VPS18: variants seen among roughly 807,000 people sequenced by gnomAD.
VPS18 encodes the protein VPS18 core subunit of CORVET and HOPS complexes, also known as vacuolar protein sorting-associated protein 18 homolog.
A neutral mutation model predicts 82.0 loss-of-function variants in VPS18; 25 were observed. The observed-to-expected ratio is 0.30, with a 90% CI of 0.22 to 0.43. The LOEUF (loss-of-function observed/expected upper bound fraction) is 0.43. Among genes scored for constraint, VPS18 ranks in the 20% least tolerant of loss-of-function variants. The pLI, the probability that VPS18 is intolerant of heterozygous loss-of-function variation, is 1.00. For synonymous variants in VPS18, 523 were observed against 543.0 expected (o/e 0.96, Z 0.51); for missense variants, 1,168 against 1,311.1 (o/e 0.89, Z 1.69).
At chr15:40,898,289 C>T (rs918510425) in intron 2 of VPS18, among the ~76,000 whole-genome samples, 21 of 150,258 alleles carry the variant, frequency 1.4e-4, no homozygotes, top group Non-Finnish European at 3.1e-4. Context: ...GTGGAGAACA[C>T]GGTCTTGCTA....
intron 1 of VPS18, among the ~76,000 whole-genome samples, chr15:40,895,241 T>C (rs2142035275): frequency 6.6e-6 from 1 of 152,216 alleles, no homozygotes; most frequent in Non-Finnish European, 1.5e-5. Context: ...AAGAAAGTGG[T>C]GAAGGCGGAG....
intron 2 of VPS18, among the ~76,000 whole-genome samples, chr15:40,898,030 G>A (rs202218951): frequency 6.6e-6 from 1 of 151,986 alleles, no homozygotes; most frequent in Admixed American, 6.5e-5. Context: ...GCAGTGCCTC[G>A]ATCTCGGCTT....
Position 40,898,879 on chromosome 15 carries a change from A to G in VPS18, c.234-28A>G, listed in dbSNP as rs1209722714. 3.7e-6 allele frequency: 6 copies of G among 1,606,754 alleles called. No individual in the cohort carries two copies. In the African/African-American group the frequency reaches 8.0e-5, roughly 21 times the overall value. ...TCCAAAAAAGGATCTTCCCTTCTCT[A>G]AAGTGATGGTGACGCTTGTCCCCAC... On this transcript the variant is annotated intron_variant, in intron 2 of 4. Coordinates refer to ENST00000220509, the MANE Select transcript of VPS18 (RefSeq NM_020857.3).
rs1379694371 is a variant in VPS18, at chr15:40,900,952, G to A, written c.2134G>A (p.Ala712Thr). 5.6e-6 allele frequency: 9 copies of A among 1,611,918 alleles called. No individual in the cohort carries two copies. Among genetic ancestry groups the A allele is most frequent in the African/African-American group, 1.3e-5 (1 of 74,934 alleles). ...RLCAEHGHHR[A>T]CVHVYKVLEL... ...CTGCGCCGAGCATGGCCACCACCGCGCTTGTGTCCATGTCTACAAGGTCCT... is the reference window on the plus strand; with the variant it reads ...CTGCGCCGAGCATGGCCACCACCGCACTTGTGTCCATGTCTACAAGGTCCT... Residue 712 changes from alanine (A) to threonine (T), a missense_variant, in exon 4 of 5, where the codon GCT becomes ACT. By Grantham distance (58) the Ala-to-Thr change is moderately conservative. Around this residue, in one of 3 missense-constraint regions of VPS18, gnomAD observed 296 missense variants for 354.0 expected, o/e 0.84. Transcript: ENST00000220509. The surrounding 1 kb of genome is among the most constrained non-coding windows in gnomAD (Gnocchi z 5.4).
intron 2 of VPS18, 96 bp from the exon 3 acceptor site, chr15:40,898,811 A>G (rs1203616296): frequency 7.9e-7 from 1 of 1,272,590 alleles, no homozygotes; most frequent in Non-Finnish European, 1.1e-6. Context: ...ATTTCAGGGA[A>G]GTAAGTCTAT....
Position 40,900,263 on chromosome 15 carries a change from C to T in VPS18, c.1445C>T (p.Pro482Leu). The T allele has an allele frequency of 6.2e-7, 1 of 1,613,806 alleles. No homozygotes were observed. The change falls in exon 4 of 5, where the codon CCA (proline) becomes CTA (leucine). Residue 482 changes from proline to leucine, a missense_variant. Transcript: ENST00000220509. This position sits in a 1 kb window ranked among gnomAD's most constrained non-coding sequence, Gnocchi z 5.4. Reference protein sequence around the residue: ...FLQRKLASLKPAERTQATLLT... With the variant: ...FLQRKLASLKLAERTQATLLT... The stretch of plus-strand genomic sequence containing the variant: ...CAGCGAAAACTGGCCAGTTTGAAGC[C>T]AGCCGAACGTACCCAGGCCACACTG...
In VPS18 at chr15:40,900,895, G is replaced by A. The variant is rs771170234; in HGVS notation, c.2077G>A (p.Val693Met). The change falls in exon 4 of 5, where the codon GTG (valine) becomes ATG (methionine). Residue 693 changes from valine to methionine, a missense_variant. Transcript: ENST00000220509. The surrounding 1 kb of genome is among the most constrained non-coding windows in gnomAD (Gnocchi z 5.4). ...GCAGGCTGGGGCCAGCCCCCACCGG[G>A]TGCATTACGACCTCAAGTATGCGCT... ...LEQAGASPHR[V>M]HYDLKYALRL... 8.7e-6 allele frequency: 14 copies of A among 1,613,918 alleles called. No individual in the cohort carries two copies. In the South Asian group the frequency reaches 1.5e-4, roughly 18 times the overall value.
Position 40,899,800 on chromosome 15 carries a change from A to G in VPS18, c.982A>G (p.Ile328Val), listed in dbSNP as rs770191466. The G allele has an allele frequency of 4.3e-6, 7 of 1,611,268 alleles. No homozygotes were observed. The highest frequency in any genetic ancestry group is 4.0e-5 in the African/African-American group (3 of 74,928). The change falls in exon 4 of 5, where the codon ATC becomes GTC. Residue 328 changes from isoleucine to valine, a missense_variant. Around this residue, in one of 3 missense-constraint regions of VPS18, gnomAD observed 868 missense variants for 939.8 expected, o/e 0.92. Transcript: ENST00000220509. The surrounding 1 kb of genome is among the most constrained non-coding windows in gnomAD (Gnocchi z 4.4). ...GCCTGGGGCCAGCCCACCCCTAGCC[A>G]TCGTCTTGACCCAGTTCCACTTCCT... ...VGPGASPPLA[I>V]VLTQFHFLLL...
rs772693226 is a variant in VPS18 at position 40,903,310 on chromosome 15, G to A, written c.2891G>A (p.Arg964His). The change falls in exon 5 of 5, where the codon CGC becomes CAC. Residue 964 changes from arginine (R) to histidine (H), a missense_variant. Around this residue, in one of 3 missense-constraint regions of VPS18, gnomAD observed 296 missense variants for 354.0 expected, o/e 0.84. Coordinates refer to ENST00000220509, the MANE Select transcript of VPS18 (RefSeq NM_020857.3). ...GACCGGCCGTTCATCGACCCCCAGC[G>A]CTACGAGGAGGAGCAGCTCAGTTGG... ...SIDRPFIDPQ[R>H]YEEEQLSWL is the part of the protein sequence containing the mutation. 1.5e-5 allele frequency: 24 copies of A among 1,550,014 alleles called. No individual in the cohort carries two copies. The highest frequency in any genetic ancestry group is 3.7e-5 in the South Asian group (3 of 81,270).
chr15:40,900,581 G>A lies in VPS18; in HGVS notation c.1763G>A (p.Arg588His). 4.3e-6 allele frequency: 7 copies of A among 1,613,824 alleles called. No homozygotes were observed. The highest frequency in any genetic ancestry group is 2.2e-5 in the South Asian group (2 of 91,080). ...AYEEALAVLA[R>H]HRDPQLFYKF... ...GAGGAGGCCCTGGCCGTGCTCGCCC[G>A]CCACCGTGACCCCCAGCTCTTCTAC... Residue 588 changes from arginine to histidine, a missense_variant, in exon 4 of 5, where the codon CGC becomes CAC. By Grantham distance (29) the Arg-to-His change is conservative. This residue lies in a region of VPS18 where 868 missense variants were observed against 939.8 expected (regional missense o/e 0.92). Transcript: ENST00000220509. This position sits in a 1 kb window ranked among gnomAD's most constrained non-coding sequence, Gnocchi z 5.4.
Position 40,899,446 on chromosome 15 carries a change from G to A in VPS18, c.628G>A (p.Ala210Thr), listed in dbSNP as rs367634085. Reference sequence around the variant, plus strand: ...TCCAGCACCTGTGTGCTCCCTTGAGGCCGAGCGGGGCCCTGATGGGCGTAG... The same window carrying A: ...TCCAGCACCTGTGTGCTCCCTTGAGACCGAGCGGGGCCCTGATGGGCGTAG... ...GGPAPVCSLE[A>T]ERGPDGRSFV... is the part of the protein sequence containing the mutation. Residue 210 changes from alanine to threonine, a missense_variant, in exon 4 of 5, where the codon GCC (alanine) becomes ACC (threonine). By Grantham distance (58) the Ala-to-Thr change is moderately conservative. Coordinates refer to ENST00000220509, the MANE Select transcript of VPS18 (RefSeq NM_020857.3). The surrounding 1 kb of genome is among the most constrained non-coding windows in gnomAD (Gnocchi z 4.4). The A allele has an allele frequency of 6.2e-7, 1 of 1,606,120 alleles. No homozygotes were observed. The highest frequency in any genetic ancestry group is 8.5e-7 in the Non-Finnish European group (1 of 1,174,738).
chr15:40,899,262 CA>C lies in VPS18; in HGVS notation c.446del (p.Lys149ArgfsTer48). 6.2e-7 allele frequency: 1 copy of C among 1,614,242 alleles called. No individual in the cohort carries two copies. The highest frequency in any genetic ancestry group is 8.5e-7 in the Non-Finnish European group (1 of 1,180,046). ...AGCTGGTGGAGAGTGTGGGTTGGAA[CA>C]AGGCACTGGGCACGGAGAGCAGCAC... ...GQLVESVGWNKALGTESSTGP... is the reference protein window; with the variant it reads ...GQLVESVGWNXALGTESSTGP... On this transcript the variant is annotated frameshift_variant, in exon 4 of 5. Transcript: ENST00000220509. LOFTEE classifies it high-confidence loss of function. This position sits in a 1 kb window ranked among gnomAD's most constrained non-coding sequence, Gnocchi z 4.4.
chr15:40,899,495 A>T lies in VPS18; in HGVS notation c.677A>T (p.Gln226Leu), dbSNP rs756361564. 1 of 1,611,598 alleles carries T rather than the reference A, an allele frequency of 6.2e-7. No individual in the cohort carries two copies. The highest frequency in any genetic ancestry group is 8.5e-7 in the Non-Finnish European group (1 of 1,179,538). Reference protein sequence around the residue: ...GRSFVIATTRQRLFQFIGRAA... With the variant: ...GRSFVIATTRLRLFQFIGRAA... The stretch of plus-strand genomic sequence containing the variant: ...AGCTTTGTTATTGCCACCACTCGGC[A>T]GCGCCTCTTCCAGTTCATAGGCCGA... Residue 226 changes from glutamine to leucine, a missense_variant, in exon 4 of 5, where the codon CAG becomes CTG. Gln to Leu is a moderately radical substitution (Grantham distance 113). Around this residue, in one of 3 missense-constraint regions of VPS18, gnomAD observed 868 missense variants for 939.8 expected, o/e 0.92. Coordinates refer to ENST00000220509, the MANE Select transcript of VPS18 (RefSeq NM_020857.3). The surrounding 1 kb of genome is among the most constrained non-coding windows in gnomAD (Gnocchi z 4.4).
chr15:40,899,365 G>A lies in VPS18; in HGVS notation c.547G>A (p.Gly183Ser), dbSNP rs1402733811. 1.2e-6 allele frequency: 2 copies of A among 1,611,464 alleles called. No individual in the cohort carries two copies. Among genetic ancestry groups the A allele is most frequent in the Non-Finnish European group, 8.5e-7 (1 of 1,177,832 alleles). The change falls in exon 4 of 5, where the codon GGC becomes AGC. Residue 183 changes from glycine to serine, a missense_variant. Coordinates refer to ENST00000220509, the MANE Select transcript of VPS18 (RefSeq NM_020857.3). This position sits in a 1 kb window ranked among gnomAD's most constrained non-coding sequence, Gnocchi z 4.4. ...CTCAGCCAGCGAAGGTGGGCTTTTCGGCCCTGCTCCGGATCTCTACTTCCG... is the reference window on the plus strand; with the variant it reads ...CTCAGCCAGCGAAGGTGGGCTTTTCAGCCCTGCTCCGGATCTCTACTTCCG... Reference protein sequence around the residue: ...ELSASEGGLFGPAPDLYFRPL... With the variant: ...ELSASEGGLFSPAPDLYFRPL...
Position 40,899,986 on chromosome 15 carries a change from C to A in VPS18, c.1168C>A (p.His390Asn). 1 of 1,614,092 alleles carries A rather than the reference C, an allele frequency of 6.2e-7. No individual in the cohort carries two copies. Among genetic ancestry groups the A allele is most frequent in the Non-Finnish European group, 8.5e-7 (1 of 1,180,046 alleles). ...CACTGAGCGGGCTGTCTTCCGCTACCACGTGCAACGGGAGGCCCGAGATGT... is the reference window on the plus strand; with the variant it reads ...CACTGAGCGGGCTGTCTTCCGCTACAACGTGCAACGGGAGGCCCGAGATGT... ...AYTERAVFRY[H>N]VQREARDVWR... is the part of the protein sequence containing the mutation. The change falls in exon 4 of 5, where the codon CAC becomes AAC. Residue 390 changes from histidine (H) to asparagine (N), a missense_variant. This residue lies in a region of VPS18 where 868 missense variants were observed against 939.8 expected (regional missense o/e 0.92). Transcript: ENST00000220509. The surrounding 1 kb of genome is among the most constrained non-coding windows in gnomAD (Gnocchi z 4.4).
At chr15:40,898,747 A>C (rs1892280514) in intron 2 of VPS18, 160 bp from the exon 3 acceptor site, 1 of 785,628 alleles carries the variant, frequency 1.3e-6, no homozygotes, top group Non-Finnish European at 2.1e-6. Context: ...TGCTGGGATT[A>C]CAGGCTGAGC....
intron 4 of VPS18, 73 bp downstream of exon 4, chr15:40,901,087 G>T: frequency 6.7e-7 from 1 of 1,490,890 alleles, no homozygotes; most frequent in Non-Finnish European, 9.1e-7. Flanking sequence ...GGAAGGGCTT[G>T]GGGGGCCATG....
In VPS18 at chr15:40,899,379, T is replaced by C; in HGVS notation, c.561T>C (p.Asp187=). The stretch of plus-strand genomic sequence containing the variant: ...GTGGGCTTTTCGGCCCTGCTCCGGA[T>C]CTCTACTTCCGCCCATTGTACGTGC... The part of the protein sequence containing the change: ...SEGGLFGPAP[D]LYFRPLYVLN... The change falls in exon 4 of 5, where the codon GAT becomes GAC. Residue 187 remains aspartate, a synonymous_variant. Coordinates refer to ENST00000220509, the MANE Select transcript of VPS18 (RefSeq NM_020857.3). The surrounding 1 kb of genome is among the most constrained non-coding windows in gnomAD (Gnocchi z 4.4). 6.2e-7 allele frequency: 1 copy of C among 1,610,006 alleles called. No homozygotes were observed. Among genetic ancestry groups the C allele is most frequent in the South Asian group, 1.1e-5 (1 of 90,980 alleles).
chr15:40,899,117 T>C lies in VPS18; in HGVS notation c.326-27T>C, dbSNP rs1244441877. On this transcript the variant is annotated intron_variant, in intron 3 of 4. Coordinates refer to ENST00000220509, the MANE Select transcript of VPS18 (RefSeq NM_020857.3). The surrounding 1 kb of genome is among the most constrained non-coding windows in gnomAD (Gnocchi z 4.4). ...TGAGGATGGGAACGGCAGCATCCAC[T>C]GGGGCGCCATGCTCTCCCCACTCCA... 1.3e-5 allele frequency: 21 copies of C among 1,605,676 alleles called. No individual in the cohort carries two copies. Among genetic ancestry groups the C allele is most frequent in the African/African-American group, 5.3e-5 (4 of 74,798 alleles).
Sources: gnomAD v4.1 joint callset for allele counts (sites outside exome capture counted in the v4.1 genomes callset) on GRCh38, gnomAD v4.1.1 for gene constraint, gnomAD v4.1.1 regional missense constraint, Gnocchi (gnomAD v3.1) non-coding constraint, MANE v1.5 for transcripts, NCBI Gene and HGNC (gene_info 2026-07-23, HGNC 2026-07-21) for gene names.